Variants in TENM1 observed in about 807,000 individuals in gnomAD.
TENM1 encodes teneurin transmembrane protein 1, also known as teneurin-1.
A neutral mutation model predicts 174.8 loss-of-function variants in TENM1; 35 were observed. The ratio of observed to expected loss-of-function variants is 0.20; its 90% CI spans 0.15 to 0.27. The LOEUF (loss-of-function observed/expected upper bound fraction) is 0.27. Ranked by LOEUF, TENM1 falls within the 10% of genes least tolerant of loss-of-function variation. The pLI is 1.00. For synonymous variants in TENM1, 781 were observed against 798.7 expected (o/e 0.98, Z 0.37); for missense variants, 1,633 against 2,130.1 (o/e 0.77, Z 4.59).
chrX:124,917,397 T>C (rs1193428088), intron 1 of TENM1, among the ~76,000 whole-genome samples: 2 of 111,893 alleles, frequency 1.8e-5, no homozygotes, highest in East Asian at 5.6e-4. Context: ...AATACAAATA[T>C]CAGAAGTGGT....
chrX:125,088,468 G>A, the TENM1 span, among the ~76,000 whole-genome samples: 1 of 111,069 alleles, frequency 9.0e-6, no homozygotes, highest in Non-Finnish European at 1.9e-5. Flanking sequence ...AATAATGCAA[G>A]ATGTTAATAA....
chrX:124,977,939 AGTGTGT>A, the TENM1 span, among the ~76,000 whole-genome samples: 159 of 55,759 alleles, frequency 2.9e-3, no homozygotes, highest in East Asian at 6.7e-3. Context: ...GGCTCTGTTT[AGTGTGT>A]GTGTGTGTGT....
chrX:124,587,319 T>C (rs972683197), intron 11 of TENM1, among the ~76,000 whole-genome samples: 15 of 109,610 alleles, frequency 1.4e-4, no homozygotes, highest in Non-Finnish European at 2.5e-4. Flanking sequence ...CAAAACAGCA[T>C]GGTACTGGTA....
intron 5 of TENM1, among the ~76,000 whole-genome samples, chrX:124,673,717 CTT>C (rs1453546856): frequency 9.0e-6 from 1 of 110,808 alleles, no homozygotes; most frequent in Non-Finnish European, 1.9e-5. Context: ...CAAGAAGTTT[CTT>C]TCTCTCTCTC....
chrX:124,654,449 G>A (rs930069133), intron 6 of TENM1, among the ~76,000 whole-genome samples: 3 of 112,590 alleles, frequency 2.7e-5, no homozygotes, highest in African/African-American at 9.7e-5. Context: ...CGATACATAT[G>A]TATTCATAGA....
chrX:124,629,790 C>G (rs1017120289), intron 11 of TENM1, among the ~76,000 whole-genome samples: 1 of 111,925 alleles, frequency 8.9e-6, no homozygotes, highest in Non-Finnish European at 1.9e-5. Context: ...AGAAAAAGGT[C>G]CCAGGATCCT....
At chrX:124,469,580 T>C (rs2061277536) in intron 22 of TENM1, among the ~76,000 whole-genome samples, 1 of 111,646 alleles carries the variant, frequency 9.0e-6, no homozygotes, top group Admixed American at 9.6e-5. Flanking sequence ...TAAGGGTCAC[T>C]AAAAAGTCTG....
At chrX:124,850,407 T>A (rs2056695676) in intron 3 of TENM1, among the ~76,000 whole-genome samples, 1 of 111,641 alleles carries the variant, frequency 9.0e-6, no homozygotes, top group African/African-American at 3.3e-5. Context: ...ACCCATGTTA[T>A]AGGTAGTTCT....
At chrX:124,568,264 A>T (rs1000281424) in intron 11 of TENM1, among the ~76,000 whole-genome samples, 4 of 111,168 alleles carry the variant, frequency 3.6e-5, no homozygotes, top group Non-Finnish European at 7.5e-5. Flanking sequence ...GTCCACAAGG[A>T]AAAAAGAGAT....
At chrX:124,753,141 C>A (rs1171225055) in intron 3 of TENM1, among the ~76,000 whole-genome samples, 2 of 108,755 alleles carry the variant, frequency 1.8e-5, no homozygotes, top group Non-Finnish European at 3.8e-5. Flanking sequence ...TCTTCCATTT[C>A]TTTGTATCCT....
chrX:124,672,012 ATAAGTGTTAACAGCTGT>A (rs2051936316), intron 5 of TENM1, among the ~76,000 whole-genome samples, 177 bp from the exon 9 acceptor site: 1 of 112,234 alleles, frequency 8.9e-6, no homozygotes, highest in Non-Finnish European at 1.9e-5. Flanking sequence ...CGACACACAT[ATAAGTGTTAACAGCTGT>A]TAAAGTAGCT....
intron 15 of TENM1, among the ~76,000 whole-genome samples, chrX:124,537,816 C>A (rs1168735263): frequency 8.9e-6 from 1 of 111,790 alleles, no homozygotes; most frequent in Non-Finnish European, 1.9e-5. Flanking sequence ...AGGATTTGAG[C>A]CTTTTAACTT....
intron 27 of TENM1, among the ~76,000 whole-genome samples, chrX:124,403,437 G>A (rs761758989): frequency 2.8e-5 from 3 of 106,923 alleles, no homozygotes; most frequent in South Asian, 4.2e-4. Context: ...GGAGAATGGC[G>A]TGAACCCGGG....
At chrX:124,447,925 C>A (rs760274551) in intron 23 of TENM1, among the ~76,000 whole-genome samples, 2 of 111,778 alleles carry the variant, frequency 1.8e-5, no homozygotes, top group South Asian at 7.6e-4. Context: ...TGTAGTTAGA[C>A]CTCAAGCTTT....
At chrX:124,503,461 A>G in intron 19 of TENM1, 99 bp downstream of exon 22, 1 of 776,649 alleles carries the variant, frequency 1.3e-6, no homozygotes, top group Non-Finnish European at 1.9e-6. Flanking sequence ...GTATTCTCAC[A>G]AGTAATTTTT....
At chrX:124,436,186 C>T (rs1254563297) in intron 23 of TENM1, among the ~76,000 whole-genome samples, 2 of 111,762 alleles carry the variant, frequency 1.8e-5, no homozygotes, top group Non-Finnish European at 3.8e-5. Flanking sequence ...TCTCACAGCT[C>T]CCAACTCACC....
At chrX:124,432,403 A>ATTTG (rs759097276) in intron 23 of TENM1, among the ~76,000 whole-genome samples, 27 of 109,607 alleles carry the variant, frequency 2.5e-4, no homozygotes, top group Middle Eastern at 4.7e-3. Flanking sequence ...TTATTTATTT[A>ATTTG]TTTGTTTGTT....
intron 9 of TENM1, among the ~76,000 whole-genome samples, chrX:124,646,501 G>A (rs773130486): frequency 8.9e-6 from 1 of 112,285 alleles, no homozygotes; most frequent in African/African-American, 3.2e-5. Flanking sequence ...GGCTATTGTA[G>A]GAAGTTGGAA....
At chrX:124,932,040 G>A (rs985873903) in intron 1 of TENM1, among the ~76,000 whole-genome samples, 7 of 111,732 alleles carry the variant, frequency 6.3e-5, no homozygotes, top group Admixed American at 3.8e-4. Context: ...TGCAAAAGTC[G>A]AATTCTGGGC....
Sources: gnomAD v4.1 joint callset for allele counts (sites outside exome capture counted in the v4.1 genomes callset) on GRCh38, gnomAD v4.1.1 for gene constraint, MANE v1.5 for transcripts, NCBI Gene and HGNC (gene_info 2026-07-23, HGNC 2026-07-21) for gene names.